Variants in STARD8 observed in about 807,000 individuals in gnomAD.
STARD8 encodes the protein StAR related lipid transfer domain containing 8, also known as stAR-related lipid transfer protein 8.
A neutral mutation model predicts 69.4 loss-of-function variants in STARD8; 25 were observed. The ratio of observed to expected loss-of-function variants is 0.36; its 90% CI spans 0.26 to 0.50. STARD8 has a LOEUF of 0.50. STARD8 is among the 20% of genes least tolerant of loss of function. The probability of loss-of-function intolerance (pLI) is 0.96; values close to 1 mark genes in which losing one functional copy is unlikely to be tolerated. For missense variants in STARD8, 921 were observed against 932.5 expected (o/e 0.99, Z 0.16); for synonymous variants, 389 against 374.6 (o/e 1.04, Z -0.45).
intron 2 of STARD8, among the ~76,000 whole-genome samples, chrX:68,706,420 G>T (rs1260544159): frequency 8.9e-6 from 1 of 111,752 alleles, no homozygotes; most frequent in South Asian, 3.8e-4. Context: ...CCCATAGATA[G>T]GGCACTGCAG....
intron 1 of STARD8, among the ~76,000 whole-genome samples, chrX:68,660,131 G>A (rs1383430995): frequency 9.0e-6 from 1 of 110,957 alleles, no homozygotes; most frequent in Admixed American, 9.5e-5. Context: ...GGGAGACAGA[G>A]GGGAGGTAGG....
chrX:68,692,934 T>C (rs1383322046), intron 2 of STARD8, among the ~76,000 whole-genome samples: 1 of 113,029 alleles, frequency 8.8e-6, no homozygotes, highest in Non-Finnish European at 1.9e-5. Flanking sequence ...AACAATGAAA[T>C]CAAGGTTGTG....
intron 1 of STARD8, among the ~76,000 whole-genome samples, chrX:68,657,444 C>T (rs780397431): frequency 8.9e-6 from 1 of 111,924 alleles, no homozygotes; most frequent in South Asian, 3.8e-4. Flanking sequence ...TGCTGTAGGT[C>T]CTCATCTCAT....
intron 1 of STARD8, among the ~76,000 whole-genome samples, chrX:68,660,611 G>C (rs185036703): frequency 8.9e-6 from 1 of 112,491 alleles, no homozygotes; most frequent in Non-Finnish European, 1.9e-5. Context: ...TCTCTGAACT[G>C]TGAGCTGCTC....
At chrX:68,667,372 A>G (rs1244349180) in intron 2 of STARD8, among the ~76,000 whole-genome samples, 2 of 111,859 alleles carry the variant, frequency 1.8e-5, no homozygotes, top group African/African-American at 3.3e-5. Context: ...AGCTTATTGC[A>G]TGGGACTCTT....
rs773128718 is a variant in STARD8, at chrX:68,715,349, C to T, written c.207C>T (p.Asp69=). 92 of 1,207,608 alleles carry T rather than the reference C, an allele frequency of 7.6e-5. 1 individual carries two copies. The South Asian group carries it at 1.2e-3, about 15-fold the overall frequency. Reference sequence around the variant, plus strand: ...TGAAGAAAAACCACGGTTTTCTGGACGAGGACTCTTTGGGGGCCCTGTGTA... The same window carrying T: ...TGAAGAAAAACCACGGTTTTCTGGATGAGGACTCTTTGGGGGCCCTGTGTA... ...GSVKKNHGFL[D]EDSLGALCRR... is the part of the protein sequence containing the mutation. Residue 69 remains aspartate, a synonymous_variant, in exon 4 of 15, where the codon GAC becomes GAT. Coordinates refer to ENST00000374599, the MANE Select transcript of STARD8 (RefSeq NM_001142503.3).
intron 2 of STARD8, among the ~76,000 whole-genome samples, chrX:68,679,501 G>A (rs991087706): frequency 8.9e-6 from 1 of 112,195 alleles, no homozygotes; most frequent in Non-Finnish European, 1.9e-5. Context: ...CAGGCATGAA[G>A]GGACAATCAC....
intron 2 of STARD8, among the ~76,000 whole-genome samples, chrX:68,666,544 C>T (rs1029670471): frequency 5.3e-5 from 6 of 112,239 alleles, no homozygotes; most frequent in East Asian, 5.6e-4. Flanking sequence ...GGGCGAATCA[C>T]GCCAGGATGC....
chrX:68,661,290 A>G (rs1054520581), intron 1 of STARD8, among the ~76,000 whole-genome samples: 1 of 111,547 alleles, frequency 9.0e-6, no homozygotes, highest in African/African-American at 3.3e-5. Context: ...CTTGTCTCCA[A>G]ACTACACCTC....
rs780656219 is a variant in STARD8, at chrX:68,721,703, A to G, written c.2416A>G (p.Ile806Val). 3.3e-6 allele frequency: 4 copies of G among 1,210,751 alleles called. No homozygotes were observed. Among genetic ancestry groups the G allele is most frequent in the Non-Finnish European group, 4.5e-6 (4 of 895,346 alleles). Residue 806 changes from isoleucine to valine, a missense_variant, in exon 10 of 15, where the codon ATC becomes GTC. Ile to Val is a conservative substitution (Grantham distance 29). Coordinates refer to ENST00000374599, the MANE Select transcript of STARD8 (RefSeq NM_001142503.3). ...GNLAVCLAPS[I>V]FHLNVSKKDS... The stretch of plus-strand genomic sequence containing the variant: ...CCTGGCAGTGTGCCTGGCGCCCTCC[A>G]TCTTCCACCTCAATGTCTCTAAGAA...
Position 68,686,802 on chromosome X carries a change from C to G in STARD8, c.79+21270C>G, listed in dbSNP as rs748881251. ...ATTCTTAGGCAGCTCTTGCCCCGCC[C>G]TATGGGTGCCCCATCCTCTTATCCC... On this transcript the variant is annotated intron_variant, in intron 2 of 14. Coordinates refer to ENST00000374599, the MANE Select transcript of STARD8 (RefSeq NM_001142503.3). Among the ~76,000 whole-genome samples, 612 of 112,405 alleles carry G rather than the reference C, an allele frequency of 5.4e-3. 8 individuals carry two copies. Among genetic ancestry groups the G allele is most frequent in the African/African-American group, 0.019 (591 of 30,943 alleles).
In STARD8 at chrX:68,723,874, C is replaced by T. The variant is rs753953297; in HGVS notation, c.3017+31C>T. 1.2e-5 allele frequency: 15 copies of T among 1,203,452 alleles called. No homozygotes were observed. In the African/African-American group the frequency reaches 2.3e-4, roughly 18 times the overall value. ...GGGCTGCAGCTGCTACCCTTCTGTG[C>T]TTGGGGGGCCGGAGAAGTGGGGTGG... On this transcript the variant is annotated intron_variant, in intron 13 of 14. Coordinates refer to ENST00000374599, the MANE Select transcript of STARD8 (RefSeq NM_001142503.3).
chrX:68,648,020 A>T (rs2079525954), intron 1 of STARD8, 93 bp downstream of exon 1: 1 of 1,064,515 alleles, frequency 9.4e-7, no homozygotes. Context: ...AACGGACCAG[A>T]CGGGCTTCTG....
intron 2 of STARD8, among the ~76,000 whole-genome samples, chrX:68,667,569 C>A (rs185931285): frequency 1.8e-5 from 2 of 111,437 alleles, no homozygotes; most frequent in African/African-American, 6.5e-5. Context: ...TCTCTTCTCA[C>A]CCCAAGTCCC....
At chrX:68,652,947 C>CA (rs796641123) in intron 1 of STARD8, among the ~76,000 whole-genome samples, 1 of 7,114 alleles carries the variant, frequency 1.4e-4, no homozygotes, top group African/African-American at 4.3e-4. Flanking sequence ...CACACACACA[C>CA]CACACCACAC....
chrX:68,689,390 A>G (rs1235151969), intron 2 of STARD8, among the ~76,000 whole-genome samples: 2 of 111,859 alleles, frequency 1.8e-5, no homozygotes, highest in African/African-American at 6.5e-5. Context: ...CTGGGTGTCA[A>G]ATGGTACCTG....
chrX:68,678,826 G>A (rs12841264), intron 2 of STARD8, among the ~76,000 whole-genome samples: 18,567 of 111,676 alleles, frequency 0.17, 2,659 homozygotes, highest in African/African-American at 0.48. Flanking sequence ...ATAAACCTAA[G>A]TATATACTGG....
intron 4 of STARD8, 59 bp from the exon 5 acceptor site, chrX:68,716,309 A>T: frequency 1.8e-6 from 2 of 1,098,813 alleles, no homozygotes; most frequent in Non-Finnish European, 2.5e-6. Context: ...GCATCTTGGT[A>T]GGCTCTGCCA....
chrX:68,655,895 G>T (rs1255024609), intron 1 of STARD8, among the ~76,000 whole-genome samples: 1 of 111,987 alleles, frequency 8.9e-6, no homozygotes, highest in Non-Finnish European at 1.9e-5. Context: ...TTACAAGGTA[G>T]ATGCTCCATT....
Sources: allele counts gnomAD v4.1 joint callset (sites outside exome capture counted in the v4.1 genomes callset), GRCh38; gene constraint gnomAD v4.1.1; transcripts MANE v1.5; gene names NCBI Gene and HGNC (gene_info 2026-07-23, HGNC 2026-07-21).